IGSF11: variants seen among roughly 807,000 people sequenced by gnomAD.
IGSF11 encodes the protein immunoglobulin superfamily member 11.
In IGSF11, 22 loss-of-function variants were observed where a neutral mutation model predicts 41.0. The ratio of observed to expected loss-of-function variants is 0.54; its 90% CI spans 0.38 to 0.77. The LOEUF is 0.77. Among genes scored for constraint, IGSF11 ranks in the 30% least tolerant of loss-of-function variants. The pLI, the probability that IGSF11 is intolerant of heterozygous loss-of-function variation, is 0.00. For synonymous variants in IGSF11, 219 were observed against 201.3 expected, an observed-to-expected ratio of 1.09 and a Z score of -0.74; for missense variants, 444 against 530.8, an observed-to-expected ratio of 0.84 and a Z score of 1.61.
intron 1 of IGSF11, among the ~76,000 whole-genome samples, chr3:119,075,602 G>A (rs1461009444): frequency 6.6e-6 from 1 of 152,070 alleles, no homozygotes; most frequent in East Asian, 1.9e-4. Flanking sequence ...ACCAAATCAA[G>A]CATCACATCA....
intron 1 of IGSF11, among the ~76,000 whole-genome samples, chr3:119,136,642 T>C (rs1011746068): frequency 2.6e-5 from 4 of 152,140 alleles, no homozygotes; most frequent in African/African-American, 9.7e-5. Context: ...CATAAATACA[T>C]ATGCACCTAA....
chr3:119,104,887 A>T (rs2076996288), intron 1 of IGSF11, among the ~76,000 whole-genome samples: 1 of 152,152 alleles, frequency 6.6e-6, no homozygotes, highest in Non-Finnish European at 1.5e-5. Context: ...GTCACCCTCC[A>T]GCATATGCAT....
intron 1 of IGSF11, among the ~76,000 whole-genome samples, chr3:119,023,900 A>G (rs1939566782): frequency 1.3e-5 from 2 of 152,186 alleles, no homozygotes; most frequent in Admixed American, 1.3e-4. Flanking sequence ...TTAGACACTG[A>G]AGGAGTAAGC....
rs371627778 is a variant in IGSF11, at chr3:119,002,396, T to C, written c.52+32135A>G. 9.5e-3 allele frequency among the ~76,000 whole-genome samples: 1,426 copies of C among 150,620 alleles called. 50 individuals carry two copies. In the East Asian group the frequency reaches 0.11, roughly 12 times the overall value. On this transcript the variant is annotated intron_variant, in intron 1 of 6. Transcript: ENST00000393775. ...AGCCCTTTGTCAGATGAGTAGGTTG[T>C]GAAAATTTTCTCCCATGTTGTAGGT...
At chr3:118,993,004 T>C (rs931231265) in intron 1 of IGSF11, among the ~76,000 whole-genome samples, 8 of 152,130 alleles carry the variant, frequency 5.3e-5, no homozygotes, top group Admixed American at 2.0e-4. Flanking sequence ...GGCAGGAGAA[T>C]TGCTTGAAGC....
chr3:118,902,535 G>A lies in IGSF11; in HGVS notation c.1281C>T (p.Ala427=), dbSNP rs149664527. 6.2e-4 allele frequency: 849 copies of A among 1,361,120 alleles called. 1 individual carries two copies. Among genetic ancestry groups the A allele is most frequent in the African/African-American group, 1.7e-3 (107 of 63,340 alleles). The allele number at this position is 1,361,120 out of a possible 1,614,324, so 84.3% of individuals were successfully genotyped here. A position where few individuals can be genotyped will look rare whatever the true frequency, so the allele number is the denominator to read the frequency against. ...VPVMVPAQSR[A]GSLV ...TCCTCATGTCCTATACCAAGGACCC[G>A]GCCCGACTCTGGGCTGGTACCATGA... is the stretch of plus-strand genomic sequence containing the variant. The change falls in exon 7 of 7, where the codon GCC becomes GCT. Residue 427 remains alanine, a synonymous_variant. Transcript: ENST00000393775.
chr3:118,905,606 C>T lies in IGSF11; in HGVS notation c.693G>A (p.Gln231=). The change falls in exon 5 of 7, where the codon CAG becomes CAA. Residue 231 remains glutamine, a synonymous_variant. Coordinates refer to ENST00000393775, the MANE Select transcript of IGSF11 (RefSeq NM_001015887.3). ...IGTSTCLLDL[Q]VISPQPRNIG... ...TTTCCATATGCTTACGTGAAATAACCTGGAGATCCAGAAGACAGGTGCTGG... is the reference window on the plus strand; with the variant it reads ...TTTCCATATGCTTACGTGAAATAACTTGGAGATCCAGAAGACAGGTGCTGG... 1 of 1,613,802 alleles carries T rather than the reference C, an allele frequency of 6.2e-7. No individual in the cohort carries two copies. Among genetic ancestry groups the T allele is most frequent in the Non-Finnish European group, 8.5e-7 (1 of 1,179,784 alleles).
At chr3:118,999,530 ACT>A (rs2107666980) in intron 1 of IGSF11, among the ~76,000 whole-genome samples, 1 of 152,102 alleles carries the variant, frequency 6.6e-6, no homozygotes, top group East Asian at 1.9e-4. Flanking sequence ...GGGTTCCTTC[ACT>A]CTTCAGGACT....
chr3:118,943,833 C>T (rs756112737), intron 1 of IGSF11, among the ~76,000 whole-genome samples: 11 of 152,200 alleles, frequency 7.2e-5, no homozygotes, highest in Non-Finnish European at 1.2e-4. Context: ...CATGTACTCT[C>T]AACTTCACCA....
intron 1 of IGSF11, among the ~76,000 whole-genome samples, chr3:118,968,323 T>C (rs1932946192): frequency 6.6e-6 from 1 of 152,182 alleles, no homozygotes; most frequent in Non-Finnish European, 1.5e-5. Context: ...CCTAGGTCTC[T>C]TGCCTGCTTT....
rs890423976 is a variant in IGSF11, at chr3:118,911,871, T to G, written c.581-6153A>C. On this transcript the variant is annotated intron_variant, in intron 4 of 6. Coordinates refer to ENST00000393775, the MANE Select transcript of IGSF11 (RefSeq NM_001015887.3). ...AGTCTTCTCCCTTGTAACATGAGAG[T>G]GGGACCATGGTGATATTTAAGATAC... Among the ~76,000 whole-genome samples the G allele has an allele frequency of 3.3e-5, 5 of 151,890 alleles. 1 individual carries two copies. Among genetic ancestry groups the G allele is most frequent in the East Asian group, 2.0e-4 (1 of 5,128 alleles).
intron 1 of IGSF11, among the ~76,000 whole-genome samples, chr3:118,939,575 C>CAAAA: frequency 7.3e-6 from 1 of 137,458 alleles, no homozygotes; most frequent in African/African-American, 2.6e-5. Flanking sequence ...GACTCCGTCT[C>CAAAA]AAAAAAAAAA....
rs13078436 is a variant in IGSF11, at chr3:118,971,976, A to G, written c.53-41701T>C. Among the ~76,000 whole-genome samples, 363 of 152,352 alleles carry G rather than the reference A, an allele frequency of 2.4e-3. 1 individual carries two copies. The highest frequency in any genetic ancestry group is 4.5e-3 in the Non-Finnish European group (305 of 68,032). The stretch of plus-strand genomic sequence containing the variant: ...TCATATTTAAATCTATTAAATACAA[A>G]GATATTCAACCAAACCACCTAAAAT... On this transcript the variant is annotated intron_variant, in intron 1 of 6. Transcript: ENST00000393775.
chr3:119,101,304 G>A (rs867459205), intron 1 of IGSF11, among the ~76,000 whole-genome samples: 30 of 152,302 alleles, frequency 2.0e-4, no homozygotes, highest in South Asian at 2.1e-4. Context: ...GAGGTCGGGA[G>A]TTCAAGGCCA....
At chr3:119,051,626 G>T (rs539939436) in intron 1 of IGSF11, among the ~76,000 whole-genome samples, 1 of 152,214 alleles carries the variant, frequency 6.6e-6, no homozygotes, top group South Asian at 2.1e-4. Flanking sequence ...AGAACAAATG[G>T]ACTTAACAGA....
intron 1 of IGSF11, among the ~76,000 whole-genome samples, chr3:118,975,787 T>C (rs1295684627): frequency 6.6e-6 from 1 of 152,204 alleles, no homozygotes; most frequent in Non-Finnish European, 1.5e-5. Context: ...ACATATTGCA[T>C]GTTCTTATTT....
At chr3:118,945,645 C>A (rs1944071688) in intron 1 of IGSF11, among the ~76,000 whole-genome samples, 1 of 152,144 alleles carries the variant, frequency 6.6e-6, no homozygotes, top group African/African-American at 2.4e-5. Flanking sequence ...AGCATCTGAT[C>A]TAGAGATTAG....
intron 1 of IGSF11, among the ~76,000 whole-genome samples, chr3:119,047,031 G>A (rs372579519): frequency 1.0e-4 from 15 of 146,282 alleles, no homozygotes; most frequent in East Asian, 5.9e-4. Context: ...GGTACCAGCC[G>A]CTGCAAAATC....
intron 1 of IGSF11, among the ~76,000 whole-genome samples, chr3:118,941,788 C>T (rs1559933803): frequency 6.6e-6 from 1 of 151,464 alleles, no homozygotes; most frequent in Non-Finnish European, 1.5e-5. Flanking sequence ...TACTTATGAA[C>T]AAAAAAAACC....
Sources: allele counts gnomAD v4.1 joint callset (sites outside exome capture counted in the v4.1 genomes callset), GRCh38; gene constraint gnomAD v4.1.1; transcripts MANE v1.5; gene names NCBI Gene and HGNC (gene_info 2026-07-23, HGNC 2026-07-21).